The following FAM20C variants were observed in gnomAD, a reference collection of about 807,000 sequenced individuals.
FAM20C encodes FAM20C golgi associated secretory pathway kinase.
FAM20C carries 40 observed loss-of-function variants against 51.5 expected under a neutral mutation model. The ratio of observed to expected loss-of-function variants is 0.78; its 90% CI spans 0.60 to 1.01. FAM20C has a LOEUF of 1.01. Among genes scored for constraint, FAM20C ranks in the 50% least tolerant of loss-of-function variants. The probability of loss-of-function intolerance (pLI) is 0.00; values close to 1 mark genes in which losing one functional copy is unlikely to be tolerated. For synonymous variants in FAM20C, 406 were observed against 380.6 expected, an observed-to-expected ratio of 1.07 and a Z score of -0.78; for missense variants, 861 against 844.7, an observed-to-expected ratio of 1.02 and a Z score of -0.24.
intron 5 of FAM20C, among the ~76,000 whole-genome samples, chr7:251,838 G>A (rs901125395): frequency 2.6e-5 from 4 of 152,108 alleles, no homozygotes; most frequent in East Asian, 1.9e-4. Flanking sequence ...AGACTTCCTC[G>A]GCCACCAGAG....
At chr7:256,292 C>T (rs976503659) in intron 6 of FAM20C, 10 of 590,958 alleles carry the variant, frequency 1.7e-5, no homozygotes, top group Admixed American at 1.5e-4. Flanking sequence ...AGCGTTTGAG[C>T]TCTGCTCTCG....
intron 3 of FAM20C, among the ~76,000 whole-genome samples, chr7:214,918 C>G (rs1786888569): frequency 6.6e-6 from 1 of 152,170 alleles, no homozygotes; most frequent in African/African-American, 2.4e-5. Context: ...ATTCCACAAA[C>G]TCGGAGTGCC....
chr7:256,800 CGCCTTGCG>C, intron 7 of FAM20C, 37 bp downstream of exon 7: 1 of 1,517,588 alleles, frequency 6.6e-7, no homozygotes. Context: ...CCGTGTCACT[CGCCTTGCG>C]TGGAGCGGAT....
rs759012718 is a variant in FAM20C, at chr7:248,391, C to T, written c.1033C>T (p.Arg345Trp). Residue 345 changes from arginine (R) to tryptophan (W), a missense_variant, in exon 5 of 10, where the codon CGG becomes TGG. This residue lies in a region of FAM20C where 31 missense variants were observed against 61.1 expected (regional missense o/e 0.51). Coordinates refer to ENST00000313766, the MANE Select transcript of FAM20C (RefSeq NM_020223.4). ...NMTKEIRDVT[R>W]DKKLWRTFFI... ...GACCAAGGAGATCCGGGACGTCACA[C>T]GGGACAAGAAGCTCTGGAGGACCTT... 6.5e-6 allele frequency: 10 copies of T among 1,537,056 alleles called. No individual in the cohort carries two copies. The highest frequency in any genetic ancestry group is 2.4e-5 in the East Asian group (1 of 40,932).
At position 204,578 on chromosome 7, in the gene FAM20C, C is replaced by T. The variant is rs114544695; in HGVS notation, c.785-4320C>T. Among the ~76,000 whole-genome samples the T allele has an allele frequency of 2.2e-3, 330 of 152,370 alleles. 2 individuals are homozygous for T. Among genetic ancestry groups the T allele is most frequent in the African/African-American group, 7.4e-3 (309 of 41,586 alleles). On this transcript the variant is annotated intron_variant, in intron 2 of 9. Transcript: ENST00000313766. ...CATCAGAAATGGGGAGGGCACGTGGCGCTTGAGTGGCCATCGCTGTGGAGA... is the reference window on the plus strand; with the variant it reads ...CATCAGAAATGGGGAGGGCACGTGGTGCTTGAGTGGCCATCGCTGTGGAGA...
At chr7:254,706 A>G (rs1278167477) in intron 5 of FAM20C, among the ~76,000 whole-genome samples, 1 of 152,236 alleles carries the variant, frequency 6.6e-6, no homozygotes, top group Admixed American at 6.5e-5. Context: ...TAAATCCAGA[A>G]TGTCCTGCTG....
rs538940452 is a variant in FAM20C, at chr7:212,684, G to A, written c.863+3708G>A. Among the ~76,000 whole-genome samples, 19 of 152,226 alleles carry A rather than the reference G, an allele frequency of 1.2e-4. No homozygotes were observed. The South Asian group carries it at 3.9e-3, about 32-fold the overall frequency. On this transcript the variant is annotated intron_variant, in intron 3 of 9. Transcript: ENST00000313766. ...CGGGATCACCAGGGGAAGTTTTAGGGTCTCCGTTTCTAATAGTCGCTGAAA... is the reference window on the plus strand; with the variant it reads ...CGGGATCACCAGGGGAAGTTTTAGGATCTCCGTTTCTAATAGTCGCTGAAA...
At position 193,047 on chromosome 7, in the gene FAM20C, C is replaced by T. The variant is rs938182048; in HGVS notation, c.-153C>T. The T allele has an allele frequency of 1.3e-5, 6 of 473,040 alleles. No individual in the cohort carries two copies. The Admixed American group carries it at 1.6e-4, about 13-fold the overall frequency. 29.3% of individuals were successfully genotyped at this position (473,040 alleles called of 1,614,324 possible). A position where few individuals can be genotyped will look rare whatever the true frequency, so the allele number is the denominator to read the frequency against. ...CAGCGCTCCGGCGGCGGGCGCCCTG[C>T]ACGCGGCCCGGGCCCGGGGACAGCC... is the stretch of plus-strand genomic sequence containing the variant. On this transcript the variant is annotated 5_prime_UTR_variant, in exon 1 of 10. Coordinates refer to ENST00000313766, the MANE Select transcript of FAM20C (RefSeq NM_020223.4).
At chr7:249,223 C>T (rs538521036) in intron 5 of FAM20C, among the ~76,000 whole-genome samples, 8 of 151,584 alleles carry the variant, frequency 5.3e-5, no homozygotes, top group African/African-American at 1.9e-4. Flanking sequence ...ACAGGGTGGG[C>T]GGCCTCCCCC....
chr7:211,545 G>A (rs1786714367), intron 3 of FAM20C, among the ~76,000 whole-genome samples: 1 of 151,988 alleles, frequency 6.6e-6, no homozygotes, highest in Non-Finnish European at 1.5e-5. Context: ...GCGGGCAGAG[G>A]TGGCGCCAGG....
chr7:216,799 A>G (rs569888630), intron 3 of FAM20C, among the ~76,000 whole-genome samples: 58 of 152,166 alleles, frequency 3.8e-4, no homozygotes, highest in East Asian at 1.3e-3. Flanking sequence ...CAGCCAAGAC[A>G]CATGAACAGA....
chr7:219,829 G>A (rs1787171064), intron 3 of FAM20C, among the ~76,000 whole-genome samples: 1 of 152,214 alleles, frequency 6.6e-6, no homozygotes. Context: ...GGATCGGTTT[G>A]GAATTTCGAA....
chr7:232,061 C>T (rs182687613), intron 3 of FAM20C, among the ~76,000 whole-genome samples: 30 of 152,356 alleles, frequency 2.0e-4, no homozygotes, highest in Admixed American at 3.9e-4. Context: ...CACGCTGAGC[C>T]GGGGAAGGCA....
intron 4 of FAM20C, among the ~76,000 whole-genome samples, chr7:247,648 C>G (rs1442189638): frequency 6.6e-6 from 1 of 152,218 alleles, no homozygotes; most frequent in South Asian, 2.1e-4. Context: ...CTATCTAGAA[C>G]AGCCTGAACC....
chr7:201,845 CG>C (rs1379426337), intron 2 of FAM20C, among the ~76,000 whole-genome samples: 1 of 152,144 alleles, frequency 6.6e-6, no homozygotes, highest in Non-Finnish European at 1.5e-5. Context: ...TGTGTGGCCC[CG>C]AACTCTTAGT....
At chr7:205,503 G>C (rs919864138) in intron 2 of FAM20C, among the ~76,000 whole-genome samples, 3 of 152,216 alleles carry the variant, frequency 2.0e-5, no homozygotes, top group African/African-American at 7.2e-5. Flanking sequence ...GCCTCCAAAA[G>C]TGCTGGGATT....
chr7:216,878 G>A lies in FAM20C; in HGVS notation c.863+7902G>A, dbSNP rs184230423. Among the ~76,000 whole-genome samples the A allele has an allele frequency of 4.8e-4, 73 of 152,192 alleles. No homozygotes were observed. The East Asian group carries it at 0.012, about 25-fold the overall frequency. On this transcript the variant is annotated intron_variant, in intron 3 of 9. Transcript: ENST00000313766. ...ATGCAGAAACTTTAGCCCTCCTTCC[G>A]GGCTCTGACAACACATGGCCCGCTG...
chr7:200,356 A>T (rs1268301498), intron 2 of FAM20C, among the ~76,000 whole-genome samples: 1 of 152,204 alleles, frequency 6.6e-6, no homozygotes, highest in Non-Finnish European at 1.5e-5. Flanking sequence ...ACCTTGGGTT[A>T]TCCTGAAAGA....
At chr7:214,778 C>T (rs1422189689) in intron 3 of FAM20C, among the ~76,000 whole-genome samples, 1 of 152,158 alleles carries the variant, frequency 6.6e-6, no homozygotes, top group African/African-American at 2.4e-5. Flanking sequence ...GGGTTTGAGT[C>T]CGGTGGACGC....
Sources: gnomAD v4.1 joint callset for allele counts (sites outside exome capture counted in the v4.1 genomes callset) on GRCh38, gnomAD v4.1.1 for gene constraint, gnomAD v4.1.1 regional missense constraint, MANE v1.5 for transcripts, NCBI Gene and HGNC (gene_info 2026-07-23, HGNC 2026-07-21) for gene names.